ITGBL1: variants seen among roughly 807,000 people sequenced by gnomAD.
The protein encoded by ITGBL1 is integrin subunit beta like 1.
A neutral mutation model predicts 68.5 loss-of-function variants in ITGBL1; 51 were observed. The observed-to-expected ratio is 0.74, with a 90% CI of 0.59 to 0.94. The LOEUF (loss-of-function observed/expected upper bound fraction) is 0.94, where lower values mean the gene tolerates loss of function less well. ITGBL1 is among the 40% of genes least tolerant of loss of function. The pLI, the probability that ITGBL1 is intolerant of heterozygous loss-of-function variation, is 0.00. For synonymous variants in ITGBL1, 209 were observed against 227.3 expected (o/e 0.92, Z 0.72); for missense variants, 649 against 647.4 (o/e 1.00, Z -0.03).
In ITGBL1 at chr13:101,602,969, C is replaced by G. The variant is rs147737031; in HGVS notation, c.1015+4670C>G. Reference sequence around the variant, plus strand: ...GATACACCACCGTTATTTAACCCTTCATCAGTTAATGGGCATTTGGACATA... The same window carrying G: ...GATACACCACCGTTATTTAACCCTTGATCAGTTAATGGGCATTTGGACATA... On this transcript the variant is annotated intron_variant, in intron 7 of 10. Transcript: ENST00000376180. 8.5e-5 allele frequency among the ~76,000 whole-genome samples: 13 copies of G among 152,080 alleles called. No individual in the cohort carries two copies. The East Asian group carries it at 2.5e-3, about 29-fold the overall frequency.
rs2050496337 is a variant in ITGBL1 at position 101,583,364 on chromosome 13, C to T, written c.868+8C>T. ...CTGATGACTTCTGTTCAGGTAAGGG[C>T]TCTTCCAATTCCTGTTTTTCTGGAG... On this transcript the variant is annotated splice_region_variant and intron_variant, in intron 6 of 10. Coordinates refer to ENST00000376180, the MANE Select transcript of ITGBL1 (RefSeq NM_004791.3). The T allele has an allele frequency of 3.4e-6, 5 of 1,480,160 alleles. No homozygotes were observed. The highest frequency in any genetic ancestry group is 1.5e-5 in the African/African-American group (1 of 68,256). The allele number at this position is 1,480,160 out of a possible 1,614,324, so 91.7% of individuals were successfully genotyped here. A position where few individuals can be genotyped will look rare whatever the true frequency, so the allele number is the denominator to read the frequency against.
Position 101,591,668 on chromosome 13 carries a change from T to C in ITGBL1, c.869-6485T>C, listed in dbSNP as rs16959183. ...AATATTAGTAAAATGGTCTAGTCTT[T>C]ACTGGAGGCCAATTTTCATATTGGA... On this transcript the variant is annotated intron_variant, in intron 6 of 10. Transcript: ENST00000376180. 9.0e-3 allele frequency among the ~76,000 whole-genome samples: 1,375 copies of C among 152,320 alleles called. 21 individuals carry two copies. Among genetic ancestry groups the C allele is most frequent in the African/African-American group, 0.031 (1,299 of 41,560 alleles).
At chr13:101,641,210 A>G (rs910473457) in intron 7 of ITGBL1, among the ~76,000 whole-genome samples, 2 of 152,208 alleles carry the variant, frequency 1.3e-5, no homozygotes, top group African/African-American at 2.4e-5. Flanking sequence ...CAGAGTGTCA[A>G]TGTGTGCAGT....
chr13:101,496,181 G>T (rs2048855182), intron 2 of ITGBL1, among the ~76,000 whole-genome samples: 1 of 152,140 alleles, frequency 6.6e-6, no homozygotes. Context: ...AACAGATAGT[G>T]CTCAGTGTAG....
chr13:101,654,509 T>C (rs916464251), intron 7 of ITGBL1, among the ~76,000 whole-genome samples: 1 of 152,122 alleles, frequency 6.6e-6, no homozygotes. Context: ...ATTTGGAATA[T>C]GAGTGAAAGG....
chr13:101,484,993 C>T (rs2048680348), intron 2 of ITGBL1, among the ~76,000 whole-genome samples: 1 of 151,982 alleles, frequency 6.6e-6, no homozygotes, highest in Non-Finnish European at 1.5e-5. Flanking sequence ...GAGAAAAAAC[C>T]GTATACTGTA....
rs1594979269 is a variant in ITGBL1, at chr13:101,685,131, C to T, written c.1016-7454C>T. Reference sequence around the variant, plus strand: ...GAGAATCATTTCATCAACTTGAAAACATTCAGTGAGTTTGATTGGTACAAT... The same window carrying T: ...GAGAATCATTTCATCAACTTGAAAATATTCAGTGAGTTTGATTGGTACAAT... On this transcript the variant is annotated intron_variant, in intron 7 of 10. Transcript: ENST00000376180. Among the ~76,000 whole-genome samples, 4 of 152,004 alleles carry T rather than the reference C, an allele frequency of 2.6e-5. No individual in the cohort carries two copies. The South Asian group carries it at 8.3e-4, about 31-fold the overall frequency.
At chr13:101,459,673 T>C (rs1412519519) in intron 2 of ITGBL1, among the ~76,000 whole-genome samples, 1 of 152,054 alleles carries the variant, frequency 6.6e-6, no homozygotes, top group Non-Finnish European at 1.5e-5. Flanking sequence ...CCAGGAGGCA[T>C]AGGTTGCAGT....
intron 2 of ITGBL1, among the ~76,000 whole-genome samples, chr13:101,481,107 T>G (rs1252053339): frequency 6.8e-6 from 1 of 146,184 alleles, no homozygotes; most frequent in Non-Finnish European, 1.5e-5. Flanking sequence ...CACACGTGCA[T>G]GTATATACAC....
At chr13:101,634,442 G>T (rs1432843908) in intron 7 of ITGBL1, among the ~76,000 whole-genome samples, 1 of 152,116 alleles carries the variant, frequency 6.6e-6, no homozygotes, top group East Asian at 1.9e-4. Context: ...TGATATCCAA[G>T]TTTTGTGCTT....
Position 101,452,971 on chromosome 13 carries a change from G to C in ITGBL1, c.98+40G>C, listed in dbSNP as rs540096138. 9.0e-5 allele frequency: 137 copies of C among 1,528,648 alleles called. No individual in the cohort carries two copies. The South Asian group carries it at 1.4e-3, about 15-fold the overall frequency. The allele number at this position is 1,528,648 out of a possible 1,614,324, so 94.7% of individuals were successfully genotyped here. ...TTATTCTTCAGTACAGACCTGCCCT[G>C]CTTATGTGGCAGGGCTCAAGCTTGC... is the stretch of plus-strand genomic sequence containing the variant. On this transcript the variant is annotated intron_variant, in intron 1 of 10. Coordinates refer to ENST00000376180, the MANE Select transcript of ITGBL1 (RefSeq NM_004791.3).
chr13:101,542,628 G>A (rs377153692), intron 2 of ITGBL1, among the ~76,000 whole-genome samples: 28 of 152,224 alleles, frequency 1.8e-4, no homozygotes, highest in Middle Eastern at 3.4e-3. Context: ...TTTCTGTCTC[G>A]TTGATCTGTC....
At chr13:101,598,076 T>A in intron 6 of ITGBL1, 77 bp from the exon 7 acceptor site, 1 of 1,310,002 alleles carries the variant, frequency 7.6e-7, no homozygotes, top group Non-Finnish European at 1.1e-6. Flanking sequence ...TTGTGACATT[T>A]GCTGTTAGAA....
intron 2 of ITGBL1, among the ~76,000 whole-genome samples, chr13:101,553,490 C>G (rs2049954098): frequency 6.6e-6 from 1 of 152,138 alleles, no homozygotes; most frequent in Admixed American, 6.5e-5. Flanking sequence ...TTTTTGAAGA[C>G]TGTACCTTGA....
intron 7 of ITGBL1, among the ~76,000 whole-genome samples, chr13:101,684,381 T>TAAAA: frequency 6.6e-6 from 1 of 152,074 alleles, no homozygotes; most frequent in African/African-American, 2.4e-5. Context: ...TTTTAAGCTT[T>TAAAA]AAAAAATCCT....
chr13:101,464,310 G>T (rs541937821), intron 2 of ITGBL1, among the ~76,000 whole-genome samples: 53 of 152,028 alleles, frequency 3.5e-4, no homozygotes, highest in African/African-American at 1.3e-3. Context: ...TTCAAATAAT[G>T]TTCATTTTTC....
intron 7 of ITGBL1, among the ~76,000 whole-genome samples, chr13:101,686,211 C>A (rs1358066815): frequency 6.6e-6 from 1 of 152,128 alleles, no homozygotes; most frequent in Non-Finnish European, 1.5e-5. Flanking sequence ...CCACCACCAC[C>A]ACTGCTTTCC....
intron 7 of ITGBL1, among the ~76,000 whole-genome samples, chr13:101,601,377 A>G (rs978558260): frequency 6.6e-6 from 1 of 151,694 alleles, no homozygotes; most frequent in African/African-American, 2.4e-5. Flanking sequence ...TGAACTTTTC[A>G]AAAAACCAGC....
intron 7 of ITGBL1, among the ~76,000 whole-genome samples, chr13:101,635,899 A>G (rs1379739394): frequency 2.0e-5 from 3 of 152,110 alleles, no homozygotes; most frequent in African/African-American, 7.2e-5. Flanking sequence ...GCATAATTCA[A>G]TCAGTATCTA....
Sources: allele counts gnomAD v4.1 joint callset (sites outside exome capture counted in the v4.1 genomes callset), GRCh38; gene constraint gnomAD v4.1.1; transcripts MANE v1.5; gene names NCBI Gene and HGNC (gene_info 2026-07-23, HGNC 2026-07-21).